The following BMP3 variants were observed in gnomAD, a reference collection of about 807,000 sequenced individuals.
BMP3 encodes the protein bone morphogenetic protein 3 (osteogenic).
A neutral mutation model predicts 38.1 loss-of-function variants in BMP3; 23 were observed. That is an observed-to-expected ratio of 0.60 (90% CI 0.43 to 0.86). The LOEUF (loss-of-function observed/expected upper bound fraction) is 0.86. Ranked by LOEUF, BMP3 falls within the 40% of genes least tolerant of loss-of-function variation. The probability of loss-of-function intolerance (pLI) is 0.00; values close to 1 mark genes in which losing one functional copy is unlikely to be tolerated. For missense variants in BMP3, 628 were observed against 579.6 expected (o/e 1.08, Z -0.86); for synonymous variants, 258 against 225.7 (o/e 1.14, Z -1.28).
At position 81,053,878 on chromosome 4, in the gene BMP3, G is replaced by A; in HGVS notation, c.*342G>A. ...TCTTTGAAAACAGAATGGAGAAGCA[G>A]CAATAGCTTGTCATTTATCTCATTT... On this transcript the variant is annotated 3_prime_UTR_variant, in exon 3 of 3. Coordinates refer to ENST00000282701, the MANE Select transcript of BMP3 (RefSeq NM_001201.5). The A allele has an allele frequency of 6.2e-6, 1 of 161,650 alleles. No homozygotes were observed. Among genetic ancestry groups the A allele is most frequent in the Non-Finnish European group, 1.3e-5 (1 of 74,202 alleles). The allele number at this position is 161,650 out of a possible 1,614,324, so 10.0% of individuals were successfully genotyped here.
chr4:81,043,605 T>TTTTTTTTTTTTTA (rs57590589), intron 1 of BMP3, among the ~76,000 whole-genome samples: 1 of 150,860 alleles, frequency 6.6e-6, no homozygotes, highest in African/African-American at 2.4e-5. Flanking sequence ...TTTTTTTTTT[T>TTTTTTTTTTTTTA]GAGACAGCGT....
At chr4:81,036,975 T>C (rs1739940759) in intron 1 of BMP3, among the ~76,000 whole-genome samples, 1 of 152,032 alleles carries the variant, frequency 6.6e-6, no homozygotes, top group Admixed American at 6.5e-5. Flanking sequence ...TTATTGACTC[T>C]TTCAATGATC....
chr4:81,044,008 T>G (rs1353635077), intron 1 of BMP3, among the ~76,000 whole-genome samples: 1 of 152,234 alleles, frequency 6.6e-6, no homozygotes, highest in African/African-American at 2.4e-5. Context: ...CTTTATGGAC[T>G]GCTTTATACA....
At chr4:81,048,701 T>C (rs1285426239) in intron 2 of BMP3, among the ~76,000 whole-genome samples, 5 of 152,166 alleles carry the variant, frequency 3.3e-5, no homozygotes, top group Non-Finnish European at 7.4e-5. Context: ...AGGAATAAGG[T>C]AAAAATAGCA....
chr4:81,046,446 C>G lies in BMP3; in HGVS notation c.1025C>G (p.Pro342Arg), dbSNP rs761490889. Residue 342 changes from proline (P) to arginine (R), a missense_variant, in exon 2 of 3, where the codon CCT (proline) becomes CGT (arginine). Pro to Arg is a moderately radical substitution (Grantham distance 103). Coordinates refer to ENST00000282701, the MANE Select transcript of BMP3 (RefSeq NM_001201.5). ...SKNKKKQRKG[P>R]HRKSQTLQFD... Reference sequence around the variant, plus strand: ...AATAAAAAGAAACAGAGAAAGGGGCCTCATCGGAAGAGCCAGACGCTCCAA... The same window carrying G: ...AATAAAAAGAAACAGAGAAAGGGGCGTCATCGGAAGAGCCAGACGCTCCAA... The G allele has an allele frequency of 1.1e-5, 18 of 1,613,928 alleles. No individual in the cohort carries two copies. The highest frequency in any genetic ancestry group is 1.5e-5 in the Non-Finnish European group (18 of 1,179,974).
intron 2 of BMP3, among the ~76,000 whole-genome samples, chr4:81,052,624 T>G (rs1277053753): frequency 1.3e-5 from 2 of 152,136 alleles, no homozygotes; most frequent in Admixed American, 1.3e-4. Flanking sequence ...CACAACTCCA[T>G]GCCTAATTCT....
Position 81,030,807 on chromosome 4 carries a change from C to G in BMP3, c.-478C>G, listed in dbSNP as rs1047649741. Among the ~76,000 whole-genome samples the G allele has an allele frequency of 1.3e-5, 2 of 152,126 alleles. No homozygotes were observed. Among genetic ancestry groups the G allele is most frequent in the Admixed American group, 1.3e-4 (2 of 15,282 alleles). ...AAAACTCGGACCAGCCGCGCCGCAG[C>G]TGCTCCAATCCCTGGAAAAGGCAAT... On this transcript the variant is annotated 5_prime_UTR_variant, in exon 1 of 3. Coordinates refer to ENST00000282701, the MANE Select transcript of BMP3 (RefSeq NM_001201.5).
At chr4:81,037,149 C>T (rs1324939626) in intron 1 of BMP3, among the ~76,000 whole-genome samples, 1 of 151,976 alleles carries the variant, frequency 6.6e-6, no homozygotes, top group Non-Finnish European at 1.5e-5. Context: ...TGTTAAATAT[C>T]TCTTTTATAA....
rs1740467112 is a variant in BMP3 at position 81,053,693 on chromosome 4, T to C, written c.*157T>C. 4.3e-6 allele frequency: 2 copies of C among 460,610 alleles called. No individual in the cohort carries two copies. Among genetic ancestry groups the C allele is most frequent in the Non-Finnish European group, 3.5e-6 (1 of 283,392 alleles). The allele number at this position is 460,610 out of a possible 1,614,324, so 28.5% of individuals were successfully genotyped here. On this transcript the variant is annotated 3_prime_UTR_variant, in exon 3 of 3. Coordinates refer to ENST00000282701, the MANE Select transcript of BMP3 (RefSeq NM_001201.5). ...GGGGAATGAGCAAATAGACTGAAGA[T>C]TGCCACCAAGGAAAAGAACTGTATT...
chr4:81,056,694 A>G lies in BMP3; in HGVS notation c.*3158A>G, dbSNP rs1038570619. 4 of 152,622 alleles carry G rather than the reference A, an allele frequency of 2.6e-5. No individual in the cohort carries two copies. Among genetic ancestry groups the G allele is most frequent in the African/African-American group, 9.6e-5 (4 of 41,460 alleles). 9.5% of individuals were successfully genotyped at this position (152,622 alleles called of 1,614,324 possible). On this transcript the variant is annotated 3_prime_UTR_variant, in exon 3 of 3. Transcript: ENST00000282701. ...ACTGGATTCCTCAGATCTCAGGACT[A>G]TAACATTCCAGATAAATTTTTACAT...
At chr4:81,036,274 G>A (rs1185939414) in intron 1 of BMP3, among the ~76,000 whole-genome samples, 1 of 151,886 alleles carries the variant, frequency 6.6e-6, no homozygotes, top group Non-Finnish European at 1.5e-5. Context: ...CTACCTTGAT[G>A]AAAGACACAT....
In BMP3 at chr4:81,046,353, A is replaced by G. The variant is rs767410889; in HGVS notation, c.932A>G (p.Lys311Arg). Residue 311 changes from lysine to arginine, a missense_variant, in exon 2 of 3, where the codon AAG (lysine) becomes AGG (arginine). Physicochemically the swap from Lys to Arg is conservative, Grantham distance 26. Coordinates refer to ENST00000282701, the MANE Select transcript of BMP3 (RefSeq NM_001201.5). ...CCTGGGGCAGAATACCAGTATAAAA[A>G]GGATGAGGTGTGGGAGGAGAGAAAG... Reference protein sequence around the residue: ...ELPGAEYQYKKDEVWEERKPY... With the variant: ...ELPGAEYQYKRDEVWEERKPY... The G allele has an allele frequency of 1.2e-6, 2 of 1,614,100 alleles. No homozygotes were observed. Among genetic ancestry groups the G allele is most frequent in the Non-Finnish European group, 1.7e-6 (2 of 1,180,034 alleles).
At chr4:81,041,932 A>G (rs546963040) in intron 1 of BMP3, among the ~76,000 whole-genome samples, 3 of 150,942 alleles carry the variant, frequency 2.0e-5, no homozygotes, top group African/African-American at 7.3e-5. Context: ...TTGTATTATC[A>G]TCATGGCATA....
chr4:81,036,704 C>A (rs1739934072), intron 1 of BMP3, among the ~76,000 whole-genome samples: 1 of 151,818 alleles, frequency 6.6e-6, no homozygotes, highest in South Asian at 2.1e-4. Flanking sequence ...TACAAGTATA[C>A]CTGGATCATA....
chr4:81,049,891 G>T (rs1740362892), intron 2 of BMP3, among the ~76,000 whole-genome samples: 2 of 152,168 alleles, frequency 1.3e-5, no homozygotes, highest in African/African-American at 2.4e-5. Flanking sequence ...TTTAGATATA[G>T]TTTTTGCCCC....
Position 81,031,158 on chromosome 4 carries a change from C to T in BMP3, c.-127C>T, listed in dbSNP as rs1739742895. The stretch of plus-strand genomic sequence containing the variant: ...CTATCTCGCTGCACCCGGCCGCGTC[C>T]CGGGCTCCGTGCGCCCTCGCCCCAG... On this transcript the variant is annotated 5_prime_UTR_variant, in exon 1 of 3. Transcript: ENST00000282701. 24 of 1,053,978 alleles carry T rather than the reference C, an allele frequency of 2.3e-5. No homozygotes were observed. The highest frequency in any genetic ancestry group is 3.1e-5 in the Non-Finnish European group (23 of 752,774). 65.3% of individuals were successfully genotyped at this position (1,053,978 alleles called of 1,614,324 possible).
chr4:81,033,206 G>C (rs749479631), intron 1 of BMP3, among the ~76,000 whole-genome samples: 1 of 152,198 alleles, frequency 6.6e-6, no homozygotes, highest in African/African-American at 2.4e-5. Flanking sequence ...ATATGTTTGG[G>C]ATTAACAAGT....
At chr4:81,034,249 T>G (rs1320654075) in intron 1 of BMP3, among the ~76,000 whole-genome samples, 2 of 26,176 alleles carry the variant, frequency 7.6e-5, no homozygotes, top group African/African-American at 8.9e-5. Context: ...GCTTGTAAGT[T>G]TTTTTGTCAT....
rs1256217851 is a variant in BMP3, at chr4:81,056,124, C to T, written c.*2588C>T. ...TGCCTGTTTTACAAATTGTTAGGTA[C>T]TAGTTTCTGTATAATTCCTACACAG... is the stretch of plus-strand genomic sequence containing the variant. On this transcript the variant is annotated 3_prime_UTR_variant, in exon 3 of 3. Coordinates refer to ENST00000282701, the MANE Select transcript of BMP3 (RefSeq NM_001201.5). 2 of 152,062 alleles carry T rather than the reference C, an allele frequency of 1.3e-5. No individual in the cohort carries two copies. Among genetic ancestry groups the T allele is most frequent in the African/African-American group, 2.4e-5 (1 of 41,404 alleles). 9.4% of individuals were successfully genotyped at this position (152,062 alleles called of 1,614,324 possible). A position where few individuals can be genotyped will look rare whatever the true frequency, so the allele number is the denominator to read the frequency against.
Sources: allele counts gnomAD v4.1 joint callset (sites outside exome capture counted in the v4.1 genomes callset), GRCh38; gene constraint gnomAD v4.1.1; transcripts MANE v1.5; gene names NCBI Gene and HGNC (gene_info 2026-07-23, HGNC 2026-07-21).